The following PRKCQ variants were observed in gnomAD, a reference collection of about 807,000 sequenced individuals.
PRKCQ encodes protein kinase C theta.
PRKCQ carries 41 observed loss-of-function variants against 91.2 expected under a neutral mutation model. That is an observed-to-expected ratio of 0.45 (90% CI 0.35 to 0.58). The LOEUF (loss-of-function observed/expected upper bound fraction) is 0.58, where lower values mean the gene tolerates loss of function less well. PRKCQ is among the 20% of genes least tolerant of loss of function. The probability of loss-of-function intolerance (pLI) is 0.00; values close to 1 mark genes in which losing one functional copy is unlikely to be tolerated. For missense variants in PRKCQ, 673 were observed against 896.5 expected, an observed-to-expected ratio of 0.75 and a Z score of 3.18; for synonymous variants, 307 against 316.9, an observed-to-expected ratio of 0.97 and a Z score of 0.33.
At chr10:6,479,682 C>A (rs1320035735) in intron 11 of PRKCQ, among the ~76,000 whole-genome samples, 1 of 148,420 alleles carries the variant, frequency 6.7e-6, no homozygotes, top group African/African-American at 2.5e-5. Flanking sequence ...ATAATCCCAG[C>A]ACTTTGGGAG....
At chr10:6,452,321 G>C (rs969001140) in intron 15 of PRKCQ, among the ~76,000 whole-genome samples, 1 of 152,186 alleles carries the variant, frequency 6.6e-6, no homozygotes, top group African/African-American at 2.4e-5. Context: ...TCCCATTCAC[G>C]ATTGCTTCAA....
the PRKCQ span, among the ~76,000 whole-genome samples, chr10:6,416,499 T>C: frequency 6.6e-6 from 1 of 152,224 alleles, no homozygotes; most frequent in Non-Finnish European, 1.5e-5. Context: ...TCACTTATAA[T>C]AATTGTCTCT....
chr10:6,471,491 C>A (rs1350194189), intron 12 of PRKCQ, among the ~76,000 whole-genome samples: 1 of 152,122 alleles, frequency 6.6e-6, no homozygotes, highest in Non-Finnish European at 1.5e-5. Context: ...GCCTGTGATC[C>A]CAGCACTTTG....
At chr10:6,458,277 C>T (rs901323347) in intron 14 of PRKCQ, among the ~76,000 whole-genome samples, 3 of 152,184 alleles carry the variant, frequency 2.0e-5, no homozygotes, top group African/African-American at 7.2e-5. Flanking sequence ...TTCTGAAAGG[C>T]TGCCATGTGA....
intron 1 of PRKCQ, among the ~76,000 whole-genome samples, chr10:6,573,452 A>C (rs1841114741): frequency 1.3e-5 from 2 of 152,150 alleles, no homozygotes; most frequent in Admixed American, 1.3e-4. Flanking sequence ...TGTCCTCTGA[A>C]AGCCTTTCCT....
intron 1 of PRKCQ, among the ~76,000 whole-genome samples, chr10:6,541,903 A>G (rs949407257): frequency 6.6e-6 from 1 of 152,180 alleles, no homozygotes; most frequent in Non-Finnish European, 1.5e-5. Flanking sequence ...TGCACATTTC[A>G]AATGATTTTT....
chr10:6,542,836 G>C (rs1839822157), intron 1 of PRKCQ, among the ~76,000 whole-genome samples: 2 of 152,234 alleles, frequency 1.3e-5, no homozygotes, highest in Non-Finnish European at 2.9e-5. Context: ...CTTAGGTGTT[G>C]TTAGGAATAT....
At chr10:6,513,401 C>G (rs953947064) in intron 2 of PRKCQ, among the ~76,000 whole-genome samples, 1 of 147,442 alleles carries the variant, frequency 6.8e-6, no homozygotes, top group South Asian at 2.1e-4. Context: ...CAAGGACTCT[C>G]GATCCACATG....
intron 16 of PRKCQ, among the ~76,000 whole-genome samples, chr10:6,435,311 C>A (rs1309228824): frequency 6.6e-6 from 1 of 152,172 alleles, no homozygotes; most frequent in Non-Finnish European, 1.5e-5. Flanking sequence ...TTCCGGAGGA[C>A]CTATGACTTC....
intron 16 of PRKCQ, among the ~76,000 whole-genome samples, chr10:6,432,829 G>A (rs1051045256): frequency 2.6e-5 from 4 of 152,032 alleles, no homozygotes; most frequent in Non-Finnish European, 4.4e-5. Context: ...AACACCACCT[G>A]CCTTCCTGTC....
At chr10:6,422,607 G>T (rs547847701), downstream of PRKCQ, among the ~76,000 whole-genome samples, 1 of 152,168 alleles carries the variant, frequency 6.6e-6, no homozygotes, top group East Asian at 1.9e-4. Flanking sequence ...AGAGATTGTC[G>T]TCAGGGGTTA....
chr10:6,418,293 C>T, the PRKCQ span, among the ~76,000 whole-genome samples: 1 of 152,208 alleles, frequency 6.6e-6, no homozygotes, highest in Non-Finnish European at 1.5e-5. Context: ...TGACATTCTT[C>T]TCTTGCCAGT....
downstream of PRKCQ, among the ~76,000 whole-genome samples, chr10:6,425,309 C>T (rs1162623842): frequency 7.3e-5 from 11 of 151,484 alleles, no homozygotes; most frequent in Non-Finnish European, 1.5e-5. Flanking sequence ...ACTGCGACCT[C>T]CGCCTCCCGA....
chr10:6,452,293 G>A (rs1435689804), intron 15 of PRKCQ, among the ~76,000 whole-genome samples: 1 of 152,138 alleles, frequency 6.6e-6, no homozygotes, highest in East Asian at 1.9e-4. Flanking sequence ...CAGACAGAGA[G>A]CCAAATCTTG....
chr10:6,573,465 AC>A (rs1437977448), intron 1 of PRKCQ, among the ~76,000 whole-genome samples: 1 of 152,058 alleles, frequency 6.6e-6, no homozygotes, highest in East Asian at 1.9e-4. Flanking sequence ...CCTTTCCTGA[AC>A]CTCCGAATCA....
chr10:6,443,337 C>T (rs1166400922), intron 15 of PRKCQ, among the ~76,000 whole-genome samples: 1 of 152,136 alleles, frequency 6.6e-6, no homozygotes, highest in African/African-American at 2.4e-5. Context: ...GGAAATAAAA[C>T]CAGTATGTAG....
intron 1 of PRKCQ, among the ~76,000 whole-genome samples, chr10:6,570,024 A>T (rs748315494): frequency 1.6e-4 from 25 of 152,044 alleles, no homozygotes; most frequent in Non-Finnish European, 3.1e-4. Context: ...TTGATAAAAG[A>T]AGAGGAGCTT....
intron 15 of PRKCQ, among the ~76,000 whole-genome samples, chr10:6,444,705 AAT>A (rs1834157345): frequency 7.5e-5 from 1 of 13,258 alleles, no homozygotes; most frequent in Admixed American, 1.5e-3. Context: ...GACACACATA[AAT>A]ACACACACAC....
At chr10:6,459,236 T>C (rs1225999391) in intron 14 of PRKCQ, among the ~76,000 whole-genome samples, 1 of 152,230 alleles carries the variant, frequency 6.6e-6, no homozygotes, top group East Asian at 1.9e-4. Context: ...CTCTTGCACT[T>C]TTAATTGGAA....
Sources: allele counts gnomAD v4.1 joint callset (sites outside exome capture counted in the v4.1 genomes callset), GRCh38; gene constraint gnomAD v4.1.1; transcripts MANE v1.5; gene names NCBI Gene and HGNC (gene_info 2026-07-23, HGNC 2026-07-21).